The following GALNT13 variants were observed in gnomAD, a reference collection of about 807,000 sequenced individuals.
GALNT13 encodes UDP-GalNAc:polypeptide N-acetylgalactosaminyltransferase 13.
A neutral mutation model predicts 64.2 loss-of-function variants in GALNT13; 28 were observed. The ratio of observed to expected loss-of-function variants is 0.44; its 90% CI spans 0.32 to 0.60. The LOEUF (loss-of-function observed/expected upper bound fraction) is 0.60, where lower values mean the gene tolerates loss of function less well. Among genes scored for constraint, GALNT13 ranks in the 20% least tolerant of loss-of-function variants. The probability of loss-of-function intolerance (pLI) is 0.05; values close to 1 mark genes in which losing one functional copy is unlikely to be tolerated. For synonymous variants in GALNT13, 214 were observed against 224.6 expected (o/e 0.95, Z 0.42); for missense variants, 577 against 669.8 (o/e 0.86, Z 1.53).
At chr2:154,392,131 G>A (rs1038615910) in intron 9 of GALNT13, among the ~76,000 whole-genome samples, 8 of 152,280 alleles carry the variant, frequency 5.3e-5, no homozygotes, top group African/African-American at 1.4e-4. Flanking sequence ...GAATGAAGAT[G>A]TTACTGAAAC....
chr2:153,894,439 A>G (rs1334013830), intron 1 of GALNT13, among the ~76,000 whole-genome samples: 2 of 152,054 alleles, frequency 1.3e-5, no homozygotes, highest in Non-Finnish European at 1.5e-5. Context: ...GTTGTGTACA[A>G]ATCAGGGGAT....
chr2:153,102,952 C>A, the GALNT13 span, among the ~76,000 whole-genome samples: 1 of 152,052 alleles, frequency 6.6e-6, no homozygotes, highest in Admixed American at 6.6e-5. Flanking sequence ...AGAGGTATAG[C>A]ATGTTGGCAA....
At chr2:153,528,633 C>CCT in the GALNT13 span, among the ~76,000 whole-genome samples, 1 of 152,002 alleles carries the variant, frequency 6.6e-6, no homozygotes, top group African/African-American at 2.4e-5. Context: ...TTTTCCTCAG[C>CCT]CTAGGGATCA....
At chr2:153,905,067 A>G (rs1256760671) in intron 2 of GALNT13, among the ~76,000 whole-genome samples, 1 of 151,906 alleles carries the variant, frequency 6.6e-6, no homozygotes, top group African/African-American at 2.4e-5. Flanking sequence ...AATATTCTTA[A>G]TATCTATTAA....
the GALNT13 span, among the ~76,000 whole-genome samples, chr2:153,727,948 T>C: frequency 6.6e-6 from 1 of 152,166 alleles, no homozygotes; most frequent in Non-Finnish European, 1.5e-5. Context: ...CCTGTGTCCA[T>C]GTGTTTGCAT....
At chr2:154,004,215 T>TG (rs1443502114) in intron 3 of GALNT13, among the ~76,000 whole-genome samples, 2 of 142,436 alleles carry the variant, frequency 1.4e-5, no homozygotes, top group Admixed American at 1.4e-4. Context: ...AATTTTTTTT[T>TG]GTTTTTTTTG....
the GALNT13 span, among the ~76,000 whole-genome samples, chr2:153,694,332 C>T: frequency 2.0e-5 from 3 of 152,092 alleles, no homozygotes; most frequent in Non-Finnish European, 2.9e-5. Context: ...TGCCTATTCT[C>T]TCAAACTACA....
At chr2:154,203,554 T>G (rs1687285938) in intron 4 of GALNT13, among the ~76,000 whole-genome samples, 1 of 152,148 alleles carries the variant, frequency 6.6e-6, no homozygotes, top group Admixed American at 6.5e-5. Flanking sequence ...TTCAAAGTCA[T>G]TCAGACAAGA....
At chr2:154,179,550 T>C (rs1685843285) in intron 4 of GALNT13, among the ~76,000 whole-genome samples, 1 of 152,126 alleles carries the variant, frequency 6.6e-6, no homozygotes, top group Non-Finnish European at 1.5e-5. Context: ...ATGTGGAATA[T>C]CAACTCTGAA....
At chr2:154,003,932 A>G (rs1265362405) in intron 3 of GALNT13, among the ~76,000 whole-genome samples, 9 of 152,120 alleles carry the variant, frequency 5.9e-5, no homozygotes, top group Admixed American at 5.9e-4. Context: ...TACTTCCTGT[A>G]CAGCCTGTAG....
chr2:154,133,392 T>C (rs558077580), intron 3 of GALNT13, among the ~76,000 whole-genome samples: 1 of 151,810 alleles, frequency 6.6e-6, no homozygotes, highest in South Asian at 2.1e-4. Context: ...GTCCATAGTG[T>C]CCACACATTT....
intron 3 of GALNT13, among the ~76,000 whole-genome samples, chr2:154,115,348 A>C (rs1300452702): frequency 6.6e-6 from 1 of 152,094 alleles, no homozygotes; most frequent in African/African-American, 2.4e-5. Context: ...ACATGTGCAC[A>C]ATGTGCAGGT....
intron 1 of GALNT13, among the ~76,000 whole-genome samples, chr2:153,882,787 C>G (rs1259778858): frequency 6.6e-6 from 1 of 151,766 alleles, no homozygotes; most frequent in Non-Finnish European, 1.5e-5. Context: ...TCTCACCACA[C>G]CCAGCTAACT....
chr2:153,841,792 T>C, the GALNT13 span, among the ~76,000 whole-genome samples: 3 of 152,182 alleles, frequency 2.0e-5, no homozygotes, highest in African/African-American at 4.8e-5. Context: ...TATTATAAGG[T>C]CCTTCTTTAT....
At chr2:153,098,829 T>A in the GALNT13 span, among the ~76,000 whole-genome samples, 1 of 152,174 alleles carries the variant, frequency 6.6e-6, no homozygotes, top group Non-Finnish European at 1.5e-5. Context: ...TAATTTTAGC[T>A]TGACCAGATA....
intron 8 of GALNT13, among the ~76,000 whole-genome samples, chr2:154,267,587 C>T (rs1475585089): frequency 6.6e-6 from 1 of 152,112 alleles, no homozygotes; most frequent in Non-Finnish European, 1.5e-5. Flanking sequence ...TTGCAGTGAG[C>T]CGAGATAGTG....
At chr2:153,858,918 G>C in the GALNT13 span, among the ~76,000 whole-genome samples, 1 of 152,058 alleles carries the variant, frequency 6.6e-6, no homozygotes, top group Non-Finnish European at 1.5e-5. Flanking sequence ...TTTTTTAGTA[G>C]AGATGGGATT....
intron 11 of GALNT13, among the ~76,000 whole-genome samples, chr2:154,429,979 A>AT (rs971586906): frequency 3.9e-5 from 6 of 152,138 alleles, no homozygotes; most frequent in African/African-American, 1.4e-4. Flanking sequence ...GTTGTGACCT[A>AT]TTTCTGAGGA....
At chr2:153,971,920 A>G (rs1693768411) in intron 3 of GALNT13, among the ~76,000 whole-genome samples, 1 of 152,118 alleles carries the variant, frequency 6.6e-6, no homozygotes, top group Non-Finnish European at 1.5e-5. Flanking sequence ...GAGATCATAC[A>G]CAATTAGAGT....
Sources: allele counts gnomAD v4.1 joint callset (sites outside exome capture counted in the v4.1 genomes callset), GRCh38; gene constraint gnomAD v4.1.1; transcripts MANE v1.5; gene names NCBI Gene and HGNC (gene_info 2026-07-23, HGNC 2026-07-21).